TESK2: variants seen among roughly 807,000 people sequenced by gnomAD.
TESK2 encodes the protein dual specificity testis-specific protein kinase 2.
Under a neutral mutation model 57.1 loss-of-function variants are expected in TESK2, and 39 were observed. That is an observed-to-expected ratio of 0.68 (90% CI 0.53 to 0.89). The LOEUF is 0.89. TESK2 is among the 40% of genes least tolerant of loss of function. The probability of loss-of-function intolerance (pLI) is 0.00; values close to 1 mark genes in which losing one functional copy is unlikely to be tolerated. For synonymous variants in TESK2, 249 were observed against 267.9 expected, an observed-to-expected ratio of 0.93 and a Z score of 0.69; for missense variants, 646 against 732.1, an observed-to-expected ratio of 0.88 and a Z score of 1.36.
chr1:45,438,907 A>G (rs1204801200), intron 2 of TESK2, among the ~76,000 whole-genome samples: 1 of 152,204 alleles, frequency 6.6e-6, no homozygotes, highest in South Asian at 2.1e-4. Context: ...TCAGACTACA[A>G]CAATAATCAA....
rs1488048864 is a variant in TESK2, at chr1:45,428,922, C to T, written c.223-7076G>A. On this transcript the variant is annotated intron_variant, in intron 2 of 10. Transcript: ENST00000372086. Reference sequence around the variant, plus strand: ...CTGCAAGCTCCGCCTCCCGGGTTCACGCCATTCTCCTGCCTCAGCCTCCCA... The same window carrying T: ...CTGCAAGCTCCGCCTCCCGGGTTCATGCCATTCTCCTGCCTCAGCCTCCCA... Among the ~76,000 whole-genome samples the T allele has an allele frequency of 5.5e-5, 8 of 144,924 alleles. No homozygotes were observed. In the East Asian group the frequency reaches 1.4e-3, roughly 26 times the overall value.
At chr1:45,359,719 C>T (rs1647595785) in intron 4 of TESK2, among the ~76,000 whole-genome samples, 1 of 151,898 alleles carries the variant, frequency 6.6e-6, no homozygotes, top group African/African-American at 2.4e-5. Flanking sequence ...CAAAAATAAG[C>T]AGGGCATGGT....
At chr1:45,481,689 C>T (rs1653231548) in intron 1 of TESK2, among the ~76,000 whole-genome samples, 1 of 151,394 alleles carries the variant, frequency 6.6e-6, no homozygotes. Context: ...TTGAAAAAAA[C>T]TCAGAAACAA....
chr1:45,371,397 T>G (rs1050831940), intron 4 of TESK2, among the ~76,000 whole-genome samples: 1 of 152,166 alleles, frequency 6.6e-6, no homozygotes, highest in Non-Finnish European at 1.5e-5. Context: ...GTATGGTATA[T>G]ACATACAATA....
In TESK2 at chr1:45,436,828, C is replaced by T. The variant is rs764105430; in HGVS notation, c.223-14982G>A. Among the ~76,000 whole-genome samples, 65 of 136,992 alleles carry T rather than the reference C, an allele frequency of 4.7e-4. 1 individual carries two copies. Among genetic ancestry groups the T allele is most frequent in the Non-Finnish European group, 8.7e-4 (56 of 64,452 alleles). 89.9% of individuals were successfully genotyped at this position (136,992 alleles called of 152,430 possible). On this transcript the variant is annotated intron_variant, in intron 2 of 10. Coordinates refer to ENST00000372086, the MANE Select transcript of TESK2 (RefSeq NM_007170.3). ...TTTTTTTTTTTTTTAGACAGAGTCTCACTCTGTCACCCAGGCTGGAGTGCA... is the reference window on the plus strand; with the variant it reads ...TTTTTTTTTTTTTTAGACAGAGTCTTACTCTGTCACCCAGGCTGGAGTGCA...
At chr1:45,384,312 A>T (rs569288269) in intron 4 of TESK2, among the ~76,000 whole-genome samples, 4 of 150,536 alleles carry the variant, frequency 2.7e-5, no homozygotes, top group Admixed American at 2.6e-4. Context: ...ATCTATCGAC[A>T]GGGTCTCACT....
chr1:45,413,157 T>C (rs149408818), intron 3 of TESK2, among the ~76,000 whole-genome samples: 95 of 152,326 alleles, frequency 6.2e-4, no homozygotes, highest in Middle Eastern at 3.4e-3. Flanking sequence ...AATCAGTCCC[T>C]GCATTCAACA....
intron 1 of TESK2, among the ~76,000 whole-genome samples, chr1:45,474,473 T>G (rs1175528004): frequency 2.6e-5 from 4 of 151,908 alleles, no homozygotes; most frequent in Admixed American, 6.6e-5. Context: ...TTTTTTTTAT[T>G]GTATTTATTT....
At chr1:45,394,588 T>C (rs1570684532) in intron 3 of TESK2, among the ~76,000 whole-genome samples, 1 of 151,470 alleles carries the variant, frequency 6.6e-6, no homozygotes, top group African/African-American at 2.4e-5. Context: ...TGATGTCGCT[T>C]GGTCTACAGA....
At chr1:45,450,776 T>TA (rs974282283) in intron 2 of TESK2, among the ~76,000 whole-genome samples, 10 of 151,988 alleles carry the variant, frequency 6.6e-5, no homozygotes, top group African/African-American at 2.2e-4. Context: ...TCTTTTTTTT[T>TA]AAATTTTATT....
chr1:45,398,840 T>G (rs897467264), intron 3 of TESK2: 8 of 393,636 alleles, frequency 2.0e-5, no homozygotes, highest in South Asian at 1.5e-4. Flanking sequence ...GCCTGTTCCA[T>G]AAAACCTCAA....
intron 1 of TESK2, among the ~76,000 whole-genome samples, chr1:45,487,847 G>A (rs1389021463): frequency 3.3e-5 from 5 of 151,946 alleles, no homozygotes; most frequent in Admixed American, 6.6e-5. Flanking sequence ...TAAAATCCAT[G>A]CTCCTGGGCC....
At chr1:45,455,515 T>C (rs887941937) in intron 2 of TESK2, among the ~76,000 whole-genome samples, 6 of 152,228 alleles carry the variant, frequency 3.9e-5, no homozygotes, top group African/African-American at 1.4e-4. Flanking sequence ...TGATTAGACC[T>C]TTCTCTGCTG....
intron 3 of TESK2, among the ~76,000 whole-genome samples, chr1:45,416,787 C>T (rs1650259431): frequency 6.6e-6 from 1 of 151,500 alleles, no homozygotes; most frequent in Non-Finnish European, 1.5e-5. Flanking sequence ...TTCTTCTCTC[C>T]ACATTTTTTT....
intron 3 of TESK2, among the ~76,000 whole-genome samples, chr1:45,396,357 A>G (rs2149278433): frequency 6.6e-6 from 1 of 151,942 alleles, no homozygotes. Flanking sequence ...CAGCCTCCCA[A>G]AGTACTGGGA....
intron 3 of TESK2, among the ~76,000 whole-genome samples, chr1:45,391,953 C>T (rs1649161117): frequency 6.6e-6 from 1 of 152,172 alleles, no homozygotes; most frequent in South Asian, 2.1e-4. Flanking sequence ...TTACCTAACC[C>T]ATATGGTTAT....
At chr1:45,377,679 A>G (rs1648488248) in intron 4 of TESK2, among the ~76,000 whole-genome samples, 1 of 147,248 alleles carries the variant, frequency 6.8e-6, no homozygotes, top group Non-Finnish European at 1.5e-5. Context: ...TTGGCCTCCC[A>G]AAGTGCTGGG....
chr1:45,365,976 A>C (rs367957773), intron 4 of TESK2, among the ~76,000 whole-genome samples: 18 of 151,516 alleles, frequency 1.2e-4, no homozygotes, highest in African/African-American at 4.4e-4. Flanking sequence ...ACCCAGCCTA[A>C]TTTTGTATTT....
intron 4 of TESK2, among the ~76,000 whole-genome samples, chr1:45,372,947 G>T (rs1490155986): frequency 6.7e-6 from 1 of 148,562 alleles, no homozygotes; most frequent in Non-Finnish European, 1.5e-5. Flanking sequence ...AGAATTGCTC[G>T]AACCTGGGAG....
Sources: gnomAD v4.1 joint callset for allele counts (sites outside exome capture counted in the v4.1 genomes callset) on GRCh38, gnomAD v4.1.1 for gene constraint, MANE v1.5 for transcripts, NCBI Gene and HGNC (gene_info 2026-07-23, HGNC 2026-07-21) for gene names.